The following BTLA variants were observed in gnomAD, a reference collection of about 807,000 sequenced individuals.
The protein encoded by BTLA is B and T lymphocyte associated.
Under a neutral mutation model 25.0 loss-of-function variants are expected in BTLA, and 11 were observed. The observed-to-expected ratio is 0.44, with a 90% CI of 0.28 to 0.73. The LOEUF (loss-of-function observed/expected upper bound fraction) is 0.73. Ranked by LOEUF, BTLA falls within the 30% of genes least tolerant of loss-of-function variation. The probability of loss-of-function intolerance (pLI) is 0.15; values close to 1 mark genes in which losing one functional copy is unlikely to be tolerated. For missense variants in BTLA, 282 were observed against 332.8 expected (o/e 0.85, Z 1.19); for synonymous variants, 104 against 119.8 (o/e 0.87, Z 0.86).
intron 4 of BTLA, among the ~76,000 whole-genome samples, chr3:112,467,375 T>A (rs2082235982): frequency 6.6e-6 from 1 of 152,220 alleles, no homozygotes; most frequent in Non-Finnish European, 1.5e-5. Flanking sequence ...CTTCAGTTAT[T>A]TATTAGCCGC....
At chr3:112,492,603 T>A (rs1009944641) in intron 1 of BTLA, among the ~76,000 whole-genome samples, 4 of 152,214 alleles carry the variant, frequency 2.6e-5, no homozygotes, top group Non-Finnish European at 5.9e-5. Context: ...TCCTCACATC[T>A]CTAATACATT....
intron 1 of BTLA, among the ~76,000 whole-genome samples, chr3:112,492,752 T>C (rs986043590): frequency 6.6e-6 from 1 of 152,220 alleles, no homozygotes; most frequent in Non-Finnish European, 1.5e-5. Flanking sequence ...GAAAATGAAG[T>C]GGGGCCATAA....
rs1408800464 is a variant in BTLA, at chr3:112,466,345, G to A, written c.633C>T (p.Ser211=). ...GCAGTACTTGGGAATTTTGCCTGGTGCTTGCTTCTGTTTGCTCACTCTTAA... is the reference window on the plus strand; with the variant it reads ...GCAGTACTTGGGAATTTTGCCTGGTACTTGCTTCTGTTTGCTCACTCTTAA... ...AHLKSEQTEA[S]TRQNSQVLLS... Residue 211 remains serine (S), a synonymous_variant, in exon 5 of 5, where the codon AGC becomes AGT. Coordinates refer to ENST00000334529, the MANE Select transcript of BTLA (RefSeq NM_181780.4). 2 of 1,612,554 alleles carry A rather than the reference G, an allele frequency of 1.2e-6. No homozygotes were observed. Among genetic ancestry groups the A allele is most frequent in the Non-Finnish European group, 1.7e-6 (2 of 1,179,290 alleles).
At chr3:112,490,187 A>T (rs2082372492) in intron 1 of BTLA, among the ~76,000 whole-genome samples, 1 of 152,158 alleles carries the variant, frequency 6.6e-6, no homozygotes, top group Non-Finnish European at 1.5e-5. Flanking sequence ...TATTCATTTA[A>T]TGTATTATGT....
chr3:112,473,692 G>A (rs1450962735), intron 2 of BTLA, among the ~76,000 whole-genome samples: 1 of 139,064 alleles, frequency 7.2e-6, no homozygotes, highest in East Asian at 2.1e-4. Flanking sequence ...TCGGTTCACT[G>A]CAGCCTCCAC....
chr3:112,466,325 A>C lies in BTLA; in HGVS notation c.653T>G (p.Val218Gly). 2 of 1,613,720 alleles carry C rather than the reference A, an allele frequency of 1.2e-6. No individual in the cohort carries two copies. The highest frequency in any genetic ancestry group is 1.7e-6 in the Non-Finnish European group (2 of 1,179,800). The change falls in exon 5 of 5, where the codon GTA becomes GGA. Residue 218 changes from valine to glycine, a missense_variant. Val to Gly is a moderately radical substitution (Grantham distance 109). Transcript: ENST00000334529. Reference protein sequence around the residue: ...TEASTRQNSQVLLSETGIYDN... With the variant: ...TEASTRQNSQGLLSETGIYDN... ...ATAAATTCCAGTTTCTGATAGCAGT[A>C]CTTGGGAATTTTGCCTGGTGCTTGC...
chr3:112,483,967 C>CA (rs34500950), intron 1 of BTLA, among the ~76,000 whole-genome samples: 1,383 of 128,792 alleles, frequency 0.011, 42 homozygotes, highest in East Asian at 0.07. Context: ...GACTCTGTCT[C>CA]AAAAAAAAAA....
chr3:112,490,611 AC>A (rs2082374759), intron 1 of BTLA, among the ~76,000 whole-genome samples: 1 of 149,546 alleles, frequency 6.7e-6, no homozygotes, highest in Non-Finnish European at 1.5e-5. Context: ...GTAAACACAC[AC>A]ACACACACAC....
At chr3:112,498,682 C>T (rs1442608063) in intron 1 of BTLA, among the ~76,000 whole-genome samples, 3 of 149,026 alleles carry the variant, frequency 2.0e-5, no homozygotes, top group African/African-American at 7.5e-5. Flanking sequence ...AAGTAGGAAC[C>T]ATTCCCTTTC....
intron 3 of BTLA, 40 bp downstream of exon 3, chr3:112,471,172 A>G: frequency 6.3e-7 from 1 of 1,594,784 alleles, no homozygotes; most frequent in Non-Finnish European, 8.5e-7. Flanking sequence ...GAATGGCCCC[A>G]AATGTGTGGT....
chr3:112,496,473 A>T (rs1180976287), intron 1 of BTLA, among the ~76,000 whole-genome samples: 2 of 152,220 alleles, frequency 1.3e-5, no homozygotes, highest in Non-Finnish European at 2.9e-5. Flanking sequence ...AGGAACAAGG[A>T]CACGGATCTC....
intron 1 of BTLA, among the ~76,000 whole-genome samples, chr3:112,495,591 T>C (rs1198231705): frequency 6.6e-6 from 1 of 152,240 alleles, no homozygotes. Flanking sequence ...AACCACAGAA[T>C]GCATTCCTAA....
At chr3:112,486,865 G>A (rs1458751920) in intron 1 of BTLA, among the ~76,000 whole-genome samples, 1 of 152,088 alleles carries the variant, frequency 6.6e-6, no homozygotes, top group Non-Finnish European at 1.5e-5. Context: ...TGCACCAAAT[G>A]ACAAAAATGA....
At chr3:112,493,181 C>A (rs1330029965) in intron 1 of BTLA, among the ~76,000 whole-genome samples, 2 of 152,164 alleles carry the variant, frequency 1.3e-5, no homozygotes, top group Non-Finnish European at 2.9e-5. Context: ...TTCACTGACA[C>A]AATACAACTC....
intron 1 of BTLA, among the ~76,000 whole-genome samples, chr3:112,497,811 C>T (rs180948156): frequency 7.1e-4 from 108 of 152,240 alleles, no homozygotes; most frequent in African/African-American, 2.5e-3. Context: ...ACCTCAGTGG[C>T]CAGATTTTCT....
At chr3:112,495,883 A>C (rs1275363529) in intron 1 of BTLA, among the ~76,000 whole-genome samples, 1 of 152,248 alleles carries the variant, frequency 6.6e-6, no homozygotes, top group South Asian at 2.1e-4. Flanking sequence ...ATACTGGACC[A>C]TCATAATAAA....
chr3:112,480,715 G>A (rs528192366), intron 1 of BTLA, among the ~76,000 whole-genome samples: 4 of 152,214 alleles, frequency 2.6e-5, no homozygotes, highest in African/African-American at 9.6e-5. Flanking sequence ...TCTCTTAAAG[G>A]TTCCACCTCA....
At chr3:112,478,987 CTG>C (rs904464350) in intron 2 of BTLA, among the ~76,000 whole-genome samples, 1 of 151,808 alleles carries the variant, frequency 6.6e-6, no homozygotes, top group African/African-American at 2.4e-5. Flanking sequence ...TCTAAACAAA[CTG>C]TGAACTATTA....
chr3:112,486,151 C>T (rs2107329415), intron 1 of BTLA, among the ~76,000 whole-genome samples: 1 of 152,188 alleles, frequency 6.6e-6, no homozygotes, highest in Non-Finnish European at 1.5e-5. Flanking sequence ...ATAAAAACTT[C>T]TACTCCCCCC....
Sources: gnomAD v4.1 joint callset for allele counts (sites outside exome capture counted in the v4.1 genomes callset) on GRCh38, gnomAD v4.1.1 for gene constraint, MANE v1.5 for transcripts, NCBI Gene and HGNC (gene_info 2026-07-23, HGNC 2026-07-21) for gene names.